AKAP19: variants seen among roughly 807,000 people sequenced by gnomAD.
AKAP19 encodes small A-kinase anchoring protein.
At chr2:189,889,733 T>C in the AKAP19 span, among the ~76,000 whole-genome samples, 2 of 152,366 alleles carry the variant, frequency 1.3e-5, no homozygotes, top group South Asian at 4.1e-4. Context: ...TTTATAGTAT[T>C]ATCTGATGGT....
At chr2:190,195,794 G>A in the AKAP19 span, among the ~76,000 whole-genome samples, 1 of 152,046 alleles carries the variant, frequency 6.6e-6, no homozygotes, top group African/African-American at 2.4e-5. Context: ...AACACATCAT[G>A]CCTTTGGCAC....
the AKAP19 span, among the ~76,000 whole-genome samples, chr2:190,151,154 C>T: frequency 1.7e-4 from 26 of 152,248 alleles, 1 homozygote; most frequent in Admixed American, 1.7e-3. Context: ...ATATTTTTGA[C>T]ATACATAAAT....
the AKAP19 span, among the ~76,000 whole-genome samples, chr2:190,162,413 A>G: frequency 6.6e-6 from 1 of 152,188 alleles, no homozygotes; most frequent in Non-Finnish European, 1.5e-5. Flanking sequence ...ATAACGTTGA[A>G]TATATACAAA....
the AKAP19 span, among the ~76,000 whole-genome samples, chr2:189,938,513 G>A: frequency 6.6e-6 from 1 of 151,950 alleles, no homozygotes; most frequent in Non-Finnish European, 1.5e-5. Context: ...CTTACTTGTG[G>A]GATCTAAAAA....
chr2:189,918,672 A>G, the AKAP19 span, among the ~76,000 whole-genome samples: 6,984 of 152,270 alleles, frequency 0.046, 520 homozygotes, highest in African/African-American at 0.16. Flanking sequence ...ATCCCAAAGA[A>G]TTGAAAATGG....
At chr2:190,089,301 C>T in the AKAP19 span, among the ~76,000 whole-genome samples, 1 of 151,562 alleles carries the variant, frequency 6.6e-6, no homozygotes, top group African/African-American at 2.4e-5. Flanking sequence ...CATTTACTTC[C>T]TTTGACTCTG....
the AKAP19 span, among the ~76,000 whole-genome samples, chr2:190,151,047 A>G: frequency 6.6e-6 from 1 of 151,976 alleles, no homozygotes; most frequent in Non-Finnish European, 1.5e-5. Context: ...CTATTTCTAG[A>G]AGTTTTTATA....
chr2:190,014,363 G>A, the AKAP19 span, among the ~76,000 whole-genome samples: 1 of 152,134 alleles, frequency 6.6e-6, no homozygotes, highest in East Asian at 1.9e-4. Context: ...GAGCAAGTGA[G>A]TGTGTGAAGG....
At chr2:190,201,439 AG>A in the AKAP19 span, 1 of 167,060 alleles carries the variant, frequency 6.0e-6, no homozygotes, top group East Asian at 1.9e-4. Context: ...TTAAATGGAA[AG>A]GAAATTATTT....
the AKAP19 span, among the ~76,000 whole-genome samples, chr2:189,976,632 G>A: frequency 6.6e-6 from 1 of 152,218 alleles, no homozygotes; most frequent in Non-Finnish European, 1.5e-5. Flanking sequence ...CACCCAGTTC[G>A]AGCTTCCTGG....
the AKAP19 span, among the ~76,000 whole-genome samples, chr2:189,971,702 T>A: frequency 6.6e-6 from 1 of 152,200 alleles, no homozygotes; most frequent in South Asian, 2.1e-4. Flanking sequence ...GGTATCTCAT[T>A]GCGGTTTTGA....
At chr2:190,130,554 G>T in the AKAP19 span, among the ~76,000 whole-genome samples, 1 of 152,166 alleles carries the variant, frequency 6.6e-6, no homozygotes, top group Non-Finnish European at 1.5e-5. Context: ...GTGGAATATA[G>T]GTGTTGTTGG....
At chr2:189,950,303 C>A in the AKAP19 span, among the ~76,000 whole-genome samples, 1 of 150,294 alleles carries the variant, frequency 6.7e-6, no homozygotes, top group South Asian at 2.1e-4. Flanking sequence ...GCTGGGAGTA[C>A]AGGCGTGAGC....
the AKAP19 span, among the ~76,000 whole-genome samples, chr2:190,011,779 C>T: frequency 6.6e-6 from 1 of 152,070 alleles, no homozygotes; most frequent in African/African-American, 2.4e-5. Flanking sequence ...TATTCTTTTC[C>T]ATTGGTCTGT....
chr2:189,883,822 G>T, the AKAP19 span, among the ~76,000 whole-genome samples: 2 of 152,022 alleles, frequency 1.3e-5, no homozygotes. Context: ...GCCCTCTAGA[G>T]GAAACAAAAT....
the AKAP19 span, among the ~76,000 whole-genome samples, chr2:190,167,357 G>A: frequency 2.0e-5 from 3 of 152,062 alleles, no homozygotes; most frequent in South Asian, 2.1e-4. Flanking sequence ...CCCACAACAC[G>A]TGGGAATTCA....
At chr2:190,181,144 AG>A in the AKAP19 span, 1 of 985,496 alleles carries the variant, frequency 1.0e-6, no homozygotes, top group Non-Finnish European at 1.2e-6. Context: ...TGACTGGTGA[AG>A]GGCGGGTGTC....
At chr2:190,062,228 T>C in the AKAP19 span, 1 of 1,612,938 alleles carries the variant, frequency 6.2e-7, no homozygotes, top group Non-Finnish European at 8.5e-7. Context: ...ACTTACACTC[T>C]GTAGGCATGG....
chr2:189,896,896 T>A, the AKAP19 span, among the ~76,000 whole-genome samples: 2 of 152,160 alleles, frequency 1.3e-5, no homozygotes, highest in South Asian at 2.1e-4. Flanking sequence ...ATATATTTTT[T>A]AATTTTAACT....
Sources: allele counts gnomAD v4.1 joint callset (sites outside exome capture counted in the v4.1 genomes callset), GRCh38; gene constraint gnomAD v4.1.1; transcripts MANE v1.5; gene names NCBI Gene and HGNC (gene_info 2026-07-23, HGNC 2026-07-21).